ARID2: variants seen among roughly 807,000 people sequenced by gnomAD.
ARID2 encodes AT-rich interactive domain-containing protein 2.
ARID2 carries 32 observed loss-of-function variants against 184.6 expected under a neutral mutation model. The observed-to-expected ratio is 0.17, with a 90% confidence interval of 0.13 to 0.23. The LOEUF (loss-of-function observed/expected upper bound fraction) is 0.23, where lower values mean the gene tolerates loss of function less well. Ranked by LOEUF, ARID2 falls within the 10% of genes least tolerant of loss-of-function variation. The pLI is 1.00. For missense variants in ARID2, 1,696 were observed against 2,197.6 expected, an observed-to-expected ratio of 0.77 and a Z score of 4.56; for synonymous variants, 836 against 772.6, an observed-to-expected ratio of 1.08 and a Z score of -1.36.
At chr12:45,875,113 C>A (rs1206125115) in intron 16 of ARID2, among the ~76,000 whole-genome samples, 1 of 152,086 alleles carries the variant, frequency 6.6e-6, no homozygotes, top group African/African-American at 2.4e-5. Flanking sequence ...CAGAGTGAGA[C>A]CCTGTCTCAA....
intron 3 of ARID2, among the ~76,000 whole-genome samples, chr12:45,735,614 C>G (rs1295091359): frequency 6.6e-6 from 1 of 152,024 alleles, no homozygotes; most frequent in Non-Finnish European, 1.5e-5. Flanking sequence ...GCCACTGAGC[C>G]TGGCAGTGTA....
At chr12:45,753,399 C>T (rs2137997642) in intron 3 of ARID2, among the ~76,000 whole-genome samples, 1 of 152,292 alleles carries the variant, frequency 6.6e-6, no homozygotes, top group Non-Finnish European at 1.5e-5. Flanking sequence ...TCACCTTCTC[C>T]ATTCAGTCAG....
intron 16 of ARID2, among the ~76,000 whole-genome samples, chr12:45,864,268 C>T (rs573023488): frequency 1.3e-5 from 2 of 152,180 alleles, no homozygotes; most frequent in East Asian, 1.9e-4. Flanking sequence ...TTAGGGACCT[C>T]ACTCTTTAGA....
At chr12:45,730,222 TG>T (rs1233220482) in intron 2 of ARID2, 85 bp downstream of exon 2, 170 of 1,347,482 alleles carry the variant, frequency 1.3e-4, no homozygotes, top group Middle Eastern at 2.6e-4. Flanking sequence ...CGCTTGGGGC[TG>T]GGGGGGTGGC....
At chr12:45,758,644 A>G (rs779455028) in intron 3 of ARID2, among the ~76,000 whole-genome samples, 1 of 152,196 alleles carries the variant, frequency 6.6e-6, no homozygotes, top group Non-Finnish European at 1.5e-5. Context: ...AGGACTGATA[A>G]TGTAGCTTTG....
intron 4 of ARID2, among the ~76,000 whole-genome samples, chr12:45,817,121 C>T (rs543802645): frequency 4.6e-5 from 7 of 152,220 alleles, no homozygotes; most frequent in African/African-American, 1.2e-4. Flanking sequence ...TTTGGGAGGC[C>T]GCAGCCGGAG....
At chr12:45,753,371 A>G (rs1291613638) in intron 3 of ARID2, among the ~76,000 whole-genome samples, 2 of 151,966 alleles carry the variant, frequency 1.3e-5, no homozygotes, top group Admixed American at 6.6e-5. Context: ...CTGGAGGCAC[A>G]CTATCTGGGT....
At chr12:45,842,278 TAC>T (rs1023916174) in intron 11 of ARID2, 2 of 150,196 alleles carry the variant, frequency 1.3e-5, no homozygotes, top group African/African-American at 2.4e-5. Flanking sequence ...TATATACACA[TAC>T]ACACACATAT....
intron 6 of ARID2, among the ~76,000 whole-genome samples, chr12:45,827,848 T>C (rs188707876): frequency 6.6e-5 from 10 of 152,198 alleles, no homozygotes; most frequent in Non-Finnish European, 1.5e-5. Flanking sequence ...AAAGGAAAAG[T>C]AGTAGCAGAC....
At chr12:45,792,501 G>A (rs1592079496) in intron 3 of ARID2, among the ~76,000 whole-genome samples, 1 of 152,298 alleles carries the variant, frequency 6.6e-6, no homozygotes, top group East Asian at 1.9e-4. Flanking sequence ...TTGTAACGCA[G>A]AGTTCAGTGC....
At chr12:45,784,589 A>G (rs1942160333) in intron 3 of ARID2, among the ~76,000 whole-genome samples, 1 of 152,132 alleles carries the variant, frequency 6.6e-6, no homozygotes, top group African/African-American at 2.4e-5. Flanking sequence ...ACTTGAGCCC[A>G]GGAGGAGGAG....
intron 3 of ARID2, among the ~76,000 whole-genome samples, chr12:45,758,415 G>A (rs775728018): frequency 7.3e-5 from 11 of 151,448 alleles, no homozygotes; most frequent in African/African-American, 2.7e-4. Context: ...GCTCATCAGC[G>A]ATTGTTAGTG....
At chr12:45,775,341 T>G (rs1941955915) in intron 3 of ARID2, among the ~76,000 whole-genome samples, 1 of 152,198 alleles carries the variant, frequency 6.6e-6, no homozygotes. Context: ...GAATGTCTAT[T>G]TCTATGTGCA....
At chr12:45,867,012 G>A (rs1222294589) in intron 16 of ARID2, among the ~76,000 whole-genome samples, 1 of 152,008 alleles carries the variant, frequency 6.6e-6, no homozygotes, top group Non-Finnish European at 1.5e-5. Context: ...GTGCAGTGGG[G>A]TGATCTCGGC....
chr12:45,815,959 C>T (rs1942797822), intron 4 of ARID2, among the ~76,000 whole-genome samples: 1 of 152,162 alleles, frequency 6.6e-6, no homozygotes, highest in Non-Finnish European at 1.5e-5. Context: ...CCATGCCCAG[C>T]CTGAAATATT....
Position 45,738,779 on chromosome 12 carries a change from C to CTTTTTTTT in ARID2, c.284+7492_284+7499dup, listed in dbSNP as rs11333868. On this transcript the variant is annotated intron_variant, in intron 3 of 20. Coordinates refer to ENST00000334344, the MANE Select transcript of ARID2 (RefSeq NM_152641.4). ...TTTTCTTCCTGGGGCATATGGGCTA[C>CTTTTTTTT]TTTTTTTTTTTTTTTTTTTTTTTTT... Among the ~76,000 whole-genome samples the CTTTTTTTT allele has an allele frequency of 1.2e-3, 77 of 62,282 alleles. 1 individual carries two copies. Among genetic ancestry groups the CTTTTTTTT allele is most frequent in the East Asian group, 5.7e-3 (5 of 878 alleles). The allele number at this position is 62,282 out of a possible 152,430, so 40.9% of individuals were successfully genotyped here. A position where few individuals can be genotyped will look rare whatever the true frequency, so the allele number is the denominator to read the frequency against.
rs1024613265 is a variant in ARID2 at position 45,851,231 on chromosome 12, A to G, written c.3108A>G (p.Val1036=). The G allele has an allele frequency of 6.2e-7, 1 of 1,614,176 alleles. No individual in the cohort carries two copies. The highest frequency in any genetic ancestry group is 8.5e-7 in the Non-Finnish European group (1 of 1,180,012). The change falls in exon 15 of 21, where the codon GTA becomes GTG. Residue 1036 remains valine, a synonymous_variant. Transcript: ENST00000334344. ...VQVQVQQPQQ[V]QMQVQPQQSN... is the part of the protein sequence containing the mutation. ...TACAAGTTCAGCAGCCCCAACAAGT[A>G]CAGATGCAAGTTCAACCTCAACAGT...
At chr12:45,898,951 C>T (rs993523527) in intron 20 of ARID2, among the ~76,000 whole-genome samples, 1 of 151,440 alleles carries the variant, frequency 6.6e-6, no homozygotes, top group East Asian at 2.0e-4. Context: ...TGAATTATAC[C>T]TCAATGAAGG....
At chr12:45,742,176 A>G (rs1941271261) in intron 3 of ARID2, among the ~76,000 whole-genome samples, 1 of 152,246 alleles carries the variant, frequency 6.6e-6, no homozygotes, top group South Asian at 2.1e-4. Context: ...TGTATTGTTA[A>G]AAGTACAGAC....
Sources: gnomAD v4.1 joint callset for allele counts (sites outside exome capture counted in the v4.1 genomes callset) on GRCh38, gnomAD v4.1.1 for gene constraint, MANE v1.5 for transcripts, NCBI Gene and HGNC (gene_info 2026-07-23, HGNC 2026-07-21) for gene names.